The following TBC1D2B variants were observed in gnomAD, a reference collection of about 807,000 sequenced individuals.
TBC1D2B encodes the protein TBC1 domain family member 2B.
TBC1D2B carries 64 observed loss-of-function variants against 100.8 expected under a neutral mutation model. The ratio of observed to expected loss-of-function variants is 0.64; its 90% confidence interval spans 0.52 to 0.78. TBC1D2B has a LOEUF of 0.78. TBC1D2B is among the 30% of genes least tolerant of loss of function. TBC1D2B has a pLI of 0.00. For missense variants in TBC1D2B, 1,052 were observed against 1,218.4 expected (o/e 0.86, Z 2.03); for synonymous variants, 480 against 479.7 (o/e 1.00, Z -0.01).
chr15:78,047,893 C>A (rs904887565), intron 2 of TBC1D2B, among the ~76,000 whole-genome samples: 2 of 152,182 alleles, frequency 1.3e-5, no homozygotes, highest in African/African-American at 4.8e-5. Context: ...AACTCCTTTA[C>A]TTCAAAGGCT....
chr15:78,048,999 TCTGG>T (rs2073257033), intron 2 of TBC1D2B, among the ~76,000 whole-genome samples: 1 of 152,200 alleles, frequency 6.6e-6, no homozygotes, highest in African/African-American at 2.4e-5. Context: ...CAAACGAAAG[TCTGG>T]GTGTCAACAC....
chr15:77,998,036 C>T lies in TBC1D2B; in HGVS notation c.*124G>A, dbSNP rs748419917. 1.9e-4 allele frequency: 184 copies of T among 966,554 alleles called. No individual in the cohort carries two copies. Among genetic ancestry groups the T allele is most frequent in the Non-Finnish European group, 2.6e-4 (178 of 679,228 alleles). 59.9% of individuals were successfully genotyped at this position (966,554 alleles called of 1,614,324 possible). ...TGGGAAATGAGGAAGGGCAGCCTGG[C>T]TTGGGACATCTGCCCAGCAGATCCC... On this transcript the variant is annotated 3_prime_UTR_variant, in exon 13 of 13. Transcript: ENST00000300584.
intron 1 of TBC1D2B, among the ~76,000 whole-genome samples, chr15:78,063,770 A>G (rs564089542): frequency 2.0e-5 from 3 of 152,228 alleles, no homozygotes; most frequent in Admixed American, 6.5e-5. Context: ...ATATAATAGA[A>G]TCGCCAGGTC....
At chr15:78,020,054 A>G (rs2072478413) in intron 6 of TBC1D2B, among the ~76,000 whole-genome samples, 1 of 152,022 alleles carries the variant, frequency 6.6e-6, no homozygotes, top group Non-Finnish European at 1.5e-5. Context: ...ACACCCAGCT[A>G]ATGTTTTTTG....
intron 1 of TBC1D2B, among the ~76,000 whole-genome samples, chr15:78,064,702 T>C (rs2141834668): frequency 6.6e-6 from 1 of 152,294 alleles, no homozygotes; most frequent in African/African-American, 2.4e-5. Context: ...TCCTGAGTGT[T>C]TCAAAATCAT....
chr15:78,020,337 A>G (rs1299854353), intron 6 of TBC1D2B, among the ~76,000 whole-genome samples: 2 of 152,240 alleles, frequency 1.3e-5, no homozygotes, highest in Non-Finnish European at 2.9e-5. Flanking sequence ...AAGTAACATC[A>G]GCCGCCATGT....
At chr15:78,059,788 A>T (rs771426545) in intron 1 of TBC1D2B, among the ~76,000 whole-genome samples, 1 of 152,064 alleles carries the variant, frequency 6.6e-6, no homozygotes, top group Non-Finnish European at 1.5e-5. Flanking sequence ...ACCAGCTCTC[A>T]ACTTGATGCT....
rs370550166 is a variant in TBC1D2B, at chr15:78,025,294, G to C, written c.1051C>G (p.Leu351Val). Reference protein sequence around the residue: ...QLQVQSQQEELEQLKKDLSSQ... With the variant: ...QLQVQSQQEEVEQLKKDLSSQ... ...GACAGGTCTTTCTTTAACTGTTCCA[G>C]CTCTTCCTGCTGGCTCTGGACCTGC... The change falls in exon 5 of 13, where the codon CTG becomes GTG. Residue 351 changes from leucine to valine, a missense_variant. Physicochemically the swap from Leu to Val is conservative, Grantham distance 32. Around this residue, in one of 4 missense-constraint regions of TBC1D2B, gnomAD observed 627 missense variants for 646.1 expected, o/e 0.97. Coordinates refer to ENST00000300584, the MANE Select transcript of TBC1D2B (RefSeq NM_144572.2). 6.2e-6 allele frequency: 10 copies of C among 1,613,820 alleles called. No homozygotes were observed. Among genetic ancestry groups the C allele is most frequent in the Non-Finnish European group, 8.5e-6 (10 of 1,179,888 alleles).
rs987293256 is a variant in TBC1D2B at position 78,013,299 on chromosome 15, C to G, written c.1794G>C (p.Gly598=). 5 of 1,607,568 alleles carry G rather than the reference C, an allele frequency of 3.1e-6. No individual in the cohort carries two copies. In the African/African-American group the frequency reaches 6.7e-5, roughly 22 times the overall value. Residue 598 remains glycine, a synonymous_variant, in exon 9 of 13, where the codon GGG becomes GGC. Transcript: ENST00000300584. ...PHLVSEYDIY[G]FRTVPEDDEE... is the part of the protein sequence containing the mutation. Reference sequence around the variant, plus strand: ...CATCATCCTCAGGTACAGTCCTGAACCCATAAATATCATATTCACTGTTGA... The same window carrying G: ...CATCATCCTCAGGTACAGTCCTGAAGCCATAAATATCATATTCACTGTTGA...
intron 1 of TBC1D2B, among the ~76,000 whole-genome samples, chr15:78,062,298 A>G (rs2073563514): frequency 6.6e-6 from 1 of 152,194 alleles, no homozygotes; most frequent in South Asian, 2.1e-4. Context: ...AAACACTACA[A>G]ATAAATTAAT....
chr15:78,021,754 A>G (rs191777313), intron 6 of TBC1D2B, among the ~76,000 whole-genome samples: 46 of 136,316 alleles, frequency 3.4e-4, no homozygotes, highest in African/African-American at 1.1e-3. Flanking sequence ...AAACTTGTTA[A>G]GTTGAGAAAT....
At chr15:78,074,320 G>A (rs527668940) in intron 1 of TBC1D2B, among the ~76,000 whole-genome samples, 1 of 152,214 alleles carries the variant, frequency 6.6e-6, no homozygotes, top group South Asian at 2.1e-4. Context: ...ACCACGCCCG[G>A]CCTTCTCCTC....
chr15:78,076,470 C>T (rs576456671), intron 1 of TBC1D2B, among the ~76,000 whole-genome samples: 1 of 152,296 alleles, frequency 6.6e-6, no homozygotes, highest in East Asian at 1.9e-4. Context: ...GTGCTAAATG[C>T]ACTCTGGCTC....
Position 78,015,187 on chromosome 15 carries a change from C to T in TBC1D2B, c.1775+1359G>A, listed in dbSNP as rs575711636. On this transcript the variant is annotated intron_variant, in intron 8 of 12. Coordinates refer to ENST00000300584, the MANE Select transcript of TBC1D2B (RefSeq NM_144572.2). ...CTGTACTCCAGCCTGGGCAACAGCG[C>T]GAGACTCTGTCTCAAAAAAACAAAA... Among the ~76,000 whole-genome samples the T allele has an allele frequency of 6.2e-4, 94 of 151,790 alleles. 1 individual carries two copies. Among genetic ancestry groups the T allele is most frequent in the African/African-American group, 2.1e-3 (88 of 41,368 alleles).
At chr15:78,017,358 T>C in intron 7 of TBC1D2B, 1 of 153,724 alleles carries the variant, frequency 6.5e-6, no homozygotes, top group East Asian at 1.9e-4. Flanking sequence ...CATATCTGAC[T>C]TTCACACCAA....
At chr15:78,024,770 T>C (rs1490956622) in intron 5 of TBC1D2B, among the ~76,000 whole-genome samples, 4 of 152,214 alleles carry the variant, frequency 2.6e-5, no homozygotes, top group Admixed American at 2.6e-4. Context: ...CAGGAAATAA[T>C]GGACATGTCC....
intron 3 of TBC1D2B, among the ~76,000 whole-genome samples, chr15:78,034,028 T>C (rs2072883960): frequency 6.6e-6 from 1 of 152,180 alleles, no homozygotes; most frequent in Non-Finnish European, 1.5e-5. Context: ...CACTTTCTCA[T>C]AGTTTATTTA....
chr15:78,076,115 A>G (rs4886556), intron 1 of TBC1D2B, among the ~76,000 whole-genome samples: 135,146 of 152,110 alleles, frequency 0.89, 60,743 homozygotes, highest in East Asian at 0.99. Context: ...ATCCCTCCAG[A>G]TGCTCAAAGC....
chr15:78,070,306 C>T (rs899391166), intron 1 of TBC1D2B, among the ~76,000 whole-genome samples: 1 of 151,886 alleles, frequency 6.6e-6, no homozygotes, highest in East Asian at 1.9e-4. Context: ...GCTCAAATGT[C>T]GCTTCTTCAG....
Sources: gnomAD v4.1 joint callset for allele counts (sites outside exome capture counted in the v4.1 genomes callset) on GRCh38, gnomAD v4.1.1 for gene constraint, gnomAD v4.1.1 regional missense constraint, MANE v1.5 for transcripts, NCBI Gene and HGNC (gene_info 2026-07-23, HGNC 2026-07-21) for gene names.